The following LYST variants were observed in gnomAD, a reference collection of about 807,000 sequenced individuals.
LYST encodes lysosomal trafficking regulator, also known as lysosomal-trafficking regulator.
LYST carries 192 observed loss-of-function variants against 413.6 expected under a neutral mutation model. The ratio of observed to expected loss-of-function variants is 0.46; its 90% CI spans 0.41 to 0.52. LYST has a LOEUF of 0.52. Ranked by LOEUF, LYST falls within the 20% of genes least tolerant of loss-of-function variation. The probability of loss-of-function intolerance (pLI) is 0.00; values close to 1 mark genes in which losing one functional copy is unlikely to be tolerated. For missense variants in LYST, 3,815 were observed against 4,499.9 expected, an observed-to-expected ratio of 0.85 and a Z score of 4.35; for synonymous variants, 1,525 against 1,567.3, an observed-to-expected ratio of 0.97 and a Z score of 0.64.
At chr1:235,706,400 T>C (rs1049488116) in intron 44 of LYST, among the ~76,000 whole-genome samples, 1 of 152,188 alleles carries the variant, frequency 6.6e-6, no homozygotes, top group Non-Finnish European at 1.5e-5. Context: ...ATTCCCCTGG[T>C]TAATCACACT....
At position 235,800,975 on chromosome 1, in the gene LYST, G is replaced by C; in HGVS notation, c.3835C>G (p.Leu1279Val). The change falls in exon 9 of 53, where the codon CTT (leucine) becomes GTT (valine). Residue 1279 changes from leucine (L) to valine (V), a missense_variant. By Grantham distance (32) the Leu-to-Val change is conservative. Transcript: ENST00000389793. ...TCAAGTTTGGCTTTACTAGCAGAAA[G>C]CAAATTTAATTCCAGCATACAAATC... is the stretch of plus-strand genomic sequence containing the variant. Reference protein sequence around the residue: ...PEICMLELNLLSASKAKLDVL... With the variant: ...PEICMLELNLVSASKAKLDVL... 1.2e-6 allele frequency: 2 copies of C among 1,613,644 alleles called. No homozygotes were observed. The highest frequency in any genetic ancestry group is 1.7e-6 in the Non-Finnish European group (2 of 1,179,680).
At position 235,806,438 on chromosome 1, in the gene LYST, G is replaced by A; in HGVS notation, c.2698C>T (p.Leu900=). The change falls in exon 6 of 53, where the codon CTA becomes TTA. Residue 900 remains leucine (L), a synonymous_variant. Transcript: ENST00000389793. ...CATAAAAAAGCCACACAGAGGAATA[G>A]GTTTATTGTGTTGATATGAACATCT... is the stretch of plus-strand genomic sequence containing the variant. ...NQDVHINTIN[L]FLCVAFLCVS... 6.2e-7 allele frequency: 1 copy of A among 1,614,014 alleles called. No individual in the cohort carries two copies.
intron 1 of LYST, among the ~76,000 whole-genome samples, chr1:235,856,800 CA>C (rs1183406100): frequency 2.0e-5 from 3 of 151,962 alleles, no homozygotes; most frequent in Non-Finnish European, 4.4e-5. Flanking sequence ...CAGGAAATGG[CA>C]AAAGATTTTA....
At chr1:235,827,717 C>G (rs2064904) in intron 3 of LYST, 385,711 of 974,930 alleles carry the variant, frequency 0.4, 77,739 homozygotes, top group African/African-American at 0.44. Context: ...CAAAAAGTGA[C>G]TAGGTGGAAA....
intron 1 of LYST, among the ~76,000 whole-genome samples, chr1:235,877,482 C>T (rs1186972309): frequency 6.6e-6 from 1 of 152,194 alleles, no homozygotes; most frequent in Non-Finnish European, 1.5e-5. Context: ...ATCTCCCTCA[C>T]TGCAACCTCT....
chr1:235,751,560 A>G (rs1246927413), intron 27 of LYST, among the ~76,000 whole-genome samples, 198 bp from the exon 28 acceptor site: 1 of 152,170 alleles, frequency 6.6e-6, no homozygotes, highest in African/African-American at 2.4e-5. Context: ...TCACTAAAAA[A>G]CCTTCAATGG....
intron 38 of LYST, among the ~76,000 whole-genome samples, chr1:235,726,321 T>C (rs976183530): frequency 6.6e-6 from 1 of 152,188 alleles, no homozygotes; most frequent in African/African-American, 2.4e-5. Flanking sequence ...TCCAAAATAA[T>C]TTTTATAAGT....
At chr1:235,778,194 C>T (rs886889055) in intron 16 of LYST, among the ~76,000 whole-genome samples, 5 of 150,094 alleles carry the variant, frequency 3.3e-5, no homozygotes, top group African/African-American at 1.3e-4. Flanking sequence ...GATCCTCCTG[C>T]CTGTGCCTCC....
rs1658284009 is a variant in LYST at position 235,664,637 on chromosome 1, C to A, written c.11039-16G>T. The A allele has an allele frequency of 6.2e-7, 1 of 1,613,950 alleles. No individual in the cohort carries two copies. Among genetic ancestry groups the A allele is most frequent in the Non-Finnish European group, 8.5e-7 (1 of 1,179,972 alleles). On this transcript the variant is annotated splice_polypyrimidine_tract_variant and intron_variant, in intron 50 of 52. Transcript: ENST00000389793. This position sits in a 1 kb window ranked among gnomAD's most constrained non-coding sequence, Gnocchi z 4.5. Reference sequence around the variant, plus strand: ...CCTCCGCCAGCTAAAACACCCAAATCATCCGGCGGGTTACCAGAATGTGGC... The same window carrying A: ...CCTCCGCCAGCTAAAACACCCAAATAATCCGGCGGGTTACCAGAATGTGGC...
chr1:235,831,882 T>C (rs989253068), intron 2 of LYST, among the ~76,000 whole-genome samples: 2 of 152,334 alleles, frequency 1.3e-5, no homozygotes, highest in Admixed American at 1.3e-4. Flanking sequence ...ATATATTTCA[T>C]TGAATCTGTT....
At chr1:235,756,736 C>G (rs1325765167) in intron 24 of LYST, among the ~76,000 whole-genome samples, 2 of 152,006 alleles carry the variant, frequency 1.3e-5, no homozygotes, top group Non-Finnish European at 2.9e-5. Context: ...ATTTAAAAAA[C>G]AAGTACACAG....
intron 37 of LYST, among the ~76,000 whole-genome samples, chr1:235,729,135 A>T (rs1314700778): frequency 6.6e-6 from 1 of 152,208 alleles, no homozygotes; most frequent in African/African-American, 2.4e-5. Flanking sequence ...TAAAATTTTC[A>T]AACAAATATA....
At chr1:235,785,604 TAGTA>T (rs2103496014) in intron 14 of LYST, among the ~76,000 whole-genome samples, 1 of 152,326 alleles carries the variant, frequency 6.6e-6, no homozygotes, top group East Asian at 1.9e-4. Flanking sequence ...GTCTGCAACA[TAGTA>T]AGTATGCAGT....
At chr1:235,848,118 A>G (rs546043545) in intron 1 of LYST, among the ~76,000 whole-genome samples, 2 of 152,314 alleles carry the variant, frequency 1.3e-5, no homozygotes, top group Non-Finnish European at 2.9e-5. Flanking sequence ...TCCAAGATAG[A>G]TCATATGACA....
rs151147069 is a variant in LYST, at chr1:235,753,778, A to G, written c.7230-504T>C. Among the ~76,000 whole-genome samples, 307 of 152,292 alleles carry G rather than the reference A, an allele frequency of 2.0e-3. 1 individual carries two copies. The highest frequency in any genetic ancestry group is 7.0e-3 in the African/African-American group (290 of 41,552). ...TTATCTGTCAAAAATATGTGGTGAT[A>G]TATGTCCTCTTTTCTTCTCAAGGCT... On this transcript the variant is annotated intron_variant, in intron 25 of 52. Transcript: ENST00000389793.
chr1:235,792,147 T>G, intron 11 of LYST, 22 bp from the exon 12 acceptor site: 1 of 1,479,570 alleles, frequency 6.8e-7, no homozygotes, highest in African/African-American at 1.4e-5. Flanking sequence ...GAAAAACAAA[T>G]GAAACTTTCT....
At chr1:235,783,021 C>T (rs1301763827) in intron 14 of LYST, among the ~76,000 whole-genome samples, 1 of 152,116 alleles carries the variant, frequency 6.6e-6, no homozygotes, top group Admixed American at 6.5e-5. Context: ...GAAAGACACA[C>T]AAAGCAGGGA....
At chr1:235,783,762 A>G (rs926863541) in intron 14 of LYST, among the ~76,000 whole-genome samples, 7 of 152,206 alleles carry the variant, frequency 4.6e-5, no homozygotes, top group Non-Finnish European at 1.0e-4. Context: ...TATGTGCCAT[A>G]TATTTCTGCC....
chr1:235,667,672 T>C (rs1294073199), intron 50 of LYST, among the ~76,000 whole-genome samples: 2 of 152,050 alleles, frequency 1.3e-5, no homozygotes, highest in East Asian at 3.9e-4. Flanking sequence ...GTATTCTTTT[T>C]TTTTTTTCTT....
Sources: allele counts gnomAD v4.1 joint callset (sites outside exome capture counted in the v4.1 genomes callset), GRCh38; gene constraint gnomAD v4.1.1; non-coding constraint Gnocchi (gnomAD v3.1); transcripts MANE v1.5; gene names NCBI Gene and HGNC (gene_info 2026-07-23, HGNC 2026-07-21).